AVEN: variants seen among roughly 807,000 people sequenced by gnomAD.
The protein encoded by AVEN is apoptosis and caspase activation inhibitor, also known as cell death regulator Aven.
In AVEN, 41 loss-of-function variants were observed where a neutral mutation model predicts 38.1. The ratio of observed to expected loss-of-function variants is 1.08; its 90% CI spans 0.84 to 1.40. The LOEUF (loss-of-function observed/expected upper bound fraction) is 1.40, where lower values mean the gene tolerates loss of function less well. Ranked by LOEUF, AVEN falls within the 40% of genes most tolerant of loss-of-function variation. The pLI is 0.00. For missense variants in AVEN, 605 were observed against 438.8 expected (o/e 1.38, Z -3.38); for synonymous variants, 206 against 171.8 (o/e 1.20, Z -1.56).
intron 2 of AVEN, among the ~76,000 whole-genome samples, chr15:33,930,925 A>C (rs553911448): frequency 5.7e-4 from 83 of 146,782 alleles, no homozygotes; most frequent in Middle Eastern, 3.5e-3. Context: ...ACTGTACTTC[A>C]GCCTGGGCGA....
intron 2 of AVEN, among the ~76,000 whole-genome samples, chr15:33,898,163 T>C (rs1031237624): frequency 6.6e-6 from 1 of 152,180 alleles, no homozygotes; most frequent in African/African-American, 2.4e-5. Flanking sequence ...CACTCCAGCC[T>C]GGGCAACAGT....
At chr15:33,936,861 G>C (rs965418243) in intron 2 of AVEN, among the ~76,000 whole-genome samples, 1 of 152,260 alleles carries the variant, frequency 6.6e-6, no homozygotes, top group African/African-American at 2.4e-5. Flanking sequence ...GCCAGGCGCA[G>C]TGGCTCACGC....
chr15:34,035,368 C>T (rs996945837), intron 1 of AVEN, among the ~76,000 whole-genome samples: 3 of 152,152 alleles, frequency 2.0e-5, no homozygotes, highest in Non-Finnish European at 4.4e-5. Flanking sequence ...TATAACCATA[C>T]TAACATATCA....
At chr15:34,040,899 A>G (rs1426755729), upstream of AVEN, among the ~76,000 whole-genome samples, 1 of 19,420 alleles carries the variant, frequency 5.1e-5, no homozygotes. Flanking sequence ...GAGACTGTCT[A>G]AAAAAAAAAA....
intron 2 of AVEN, among the ~76,000 whole-genome samples, chr15:33,940,698 C>T (rs562799163): frequency 1.3e-4 from 20 of 152,196 alleles, no homozygotes; most frequent in Non-Finnish European, 2.2e-4. Context: ...CCTGACACCA[C>T]GCCCAGATAA....
At chr15:33,974,651 A>T (rs986597410) in intron 2 of AVEN, among the ~76,000 whole-genome samples, 19 of 152,176 alleles carry the variant, frequency 1.2e-4, no homozygotes, top group Admixed American at 9.8e-4. Context: ...GAAATCTGTG[A>T]TTTGATGTTG....
intron 2 of AVEN, among the ~76,000 whole-genome samples, chr15:33,983,436 A>T (rs1168058514): frequency 1.3e-5 from 2 of 151,990 alleles, no homozygotes; most frequent in Non-Finnish European, 2.9e-5. Flanking sequence ...GGTCAATGAC[A>T]CAAGAATAGC....
intron 2 of AVEN, among the ~76,000 whole-genome samples, chr15:33,899,207 C>T (rs1230251685): frequency 1.3e-5 from 2 of 151,608 alleles, no homozygotes; most frequent in Non-Finnish European, 2.9e-5. Flanking sequence ...GAGGCTCATA[C>T]ACTGTTGACA....
chr15:34,014,466 T>C (rs1007625350), intron 1 of AVEN, among the ~76,000 whole-genome samples: 1 of 118,804 alleles, frequency 8.4e-6, no homozygotes, highest in Admixed American at 9.3e-5. Context: ...TGATAAAAAA[T>C]ACAAAGAGCA....
chr15:34,075,009 T>G (rs1597400425), exon 1 of AVEN, among the ~76,000 whole-genome samples: 3 of 151,840 alleles, frequency 2.0e-5, no homozygotes, highest in South Asian at 4.2e-4. Flanking sequence ...AAACCTTGTC[T>G]CTACTAAAAA....
At position 33,983,818 on chromosome 15, in the gene AVEN, A is replaced by G. The variant is rs576762409; in HGVS notation, c.445+19214T>C. Reference sequence around the variant, plus strand: ...GAGTAACTAAGTGATCAGAGTTAACATCATCAGCAGTAAGTCCTATAAATA... The same window carrying G: ...GAGTAACTAAGTGATCAGAGTTAACGTCATCAGCAGTAAGTCCTATAAATA... On this transcript the variant is annotated intron_variant, in intron 2 of 5. Transcript: ENST00000306730. Among the ~76,000 whole-genome samples the G allele has an allele frequency of 7.9e-5, 12 of 152,234 alleles. No individual in the cohort carries two copies. The East Asian group carries it at 1.7e-3, about 22-fold the overall frequency.
chr15:34,056,976 T>C (rs1900176939), intron 5 of AVEN, among the ~76,000 whole-genome samples: 1 of 151,944 alleles, frequency 6.6e-6, no homozygotes, highest in Admixed American at 6.6e-5. Flanking sequence ...GAGGTTGAGG[T>C]TGCAGTGAAC....
intron 2 of AVEN, among the ~76,000 whole-genome samples, chr15:33,993,209 A>C (rs1380996264): frequency 6.6e-6 from 1 of 152,226 alleles, no homozygotes; most frequent in African/African-American, 2.4e-5. Context: ...TTTACGTTTG[A>C]AGGTAAGAGT....
At chr15:33,959,912 G>T (rs909219853) in intron 2 of AVEN, among the ~76,000 whole-genome samples, 13 of 152,198 alleles carry the variant, frequency 8.5e-5, no homozygotes, top group African/African-American at 2.9e-4. Context: ...GTCATGGTGA[G>T]ATTTAACCAA....
In AVEN at chr15:34,063,355, A is replaced by G; in HGVS notation, n.1204T>C. On this transcript the variant is annotated non_coding_transcript_exon_variant, in exon 5 of 12. Coordinates refer to the AVEN transcript ENST00000675287. The surrounding 1 kb of genome is among the most constrained non-coding windows in gnomAD (Gnocchi z 4.1). ...CCTGTTTCTGTCATGACCATCCTCTACTGTCGAATCTACCGGGAAACAGAG... is the reference window on the plus strand; with the variant it reads ...CCTGTTTCTGTCATGACCATCCTCTGCTGTCGAATCTACCGGGAAACAGAG... 1 of 1,614,010 alleles carries G rather than the reference A, an allele frequency of 6.2e-7. No homozygotes were observed. Among genetic ancestry groups the G allele is most frequent in the South Asian group, 1.1e-5 (1 of 91,082 alleles).
At chr15:34,019,453 T>A (rs1191250888) in intron 1 of AVEN, among the ~76,000 whole-genome samples, 1 of 152,098 alleles carries the variant, frequency 6.6e-6, no homozygotes, top group African/African-American at 2.4e-5. Flanking sequence ...AAAGCATAAG[T>A]TTAGTGTAGC....
At chr15:33,903,413 G>A (rs1458962171) in intron 2 of AVEN, among the ~76,000 whole-genome samples, 1 of 152,170 alleles carries the variant, frequency 6.6e-6, no homozygotes, top group Non-Finnish European at 1.5e-5. Flanking sequence ...CAGTCCCTGG[G>A]CGCTCCCAGA....
At chr15:33,885,096 GA>G (rs749154762) in intron 2 of AVEN, among the ~76,000 whole-genome samples, 3 of 152,086 alleles carry the variant, frequency 2.0e-5, no homozygotes, top group Non-Finnish European at 4.4e-5. Context: ...AGCCCCTGCA[GA>G]ACATGTCCTC....
intron 5 of AVEN, among the ~76,000 whole-genome samples, chr15:34,058,162 C>T (rs1252059737): frequency 6.6e-6 from 1 of 152,182 alleles, no homozygotes; most frequent in Non-Finnish European, 1.5e-5. Context: ...GGCCTACCCA[C>T]ATTATGGTGG....
Sources: allele counts gnomAD v4.1 joint callset (sites outside exome capture counted in the v4.1 genomes callset), GRCh38; gene constraint gnomAD v4.1.1; non-coding constraint Gnocchi (gnomAD v3.1); transcripts MANE v1.5; gene names NCBI Gene and HGNC (gene_info 2026-07-23, HGNC 2026-07-21).